The following CSGALNACT2 variants were observed in gnomAD, a reference collection of about 807,000 sequenced individuals.
CSGALNACT2 encodes beta 4 GalNAcT-2.
In CSGALNACT2, 35 loss-of-function variants were observed where a neutral mutation model predicts 55.3. The ratio of observed to expected loss-of-function variants is 0.63; its 90% CI spans 0.48 to 0.84. The LOEUF is 0.84. CSGALNACT2 is among the 40% of genes least tolerant of loss of function. The probability of loss-of-function intolerance (pLI) is 0.00; values close to 1 mark genes in which losing one functional copy is unlikely to be tolerated. For synonymous variants in CSGALNACT2, 196 were observed against 224.9 expected (o/e 0.87, Z 1.15); for missense variants, 544 against 657.5 (o/e 0.83, Z 1.89).
intron 6 of CSGALNACT2, among the ~76,000 whole-genome samples, chr10:43,169,141 C>T (rs1443772813): frequency 6.6e-6 from 1 of 152,178 alleles, no homozygotes; most frequent in Non-Finnish European, 1.5e-5. Flanking sequence ...AGCCCCTAGA[C>T]TACAAAAGTG....
At chr10:43,182,620 C>G (rs974376111) in intron 7 of CSGALNACT2, among the ~76,000 whole-genome samples, 11 of 151,988 alleles carry the variant, frequency 7.2e-5, no homozygotes, top group Admixed American at 5.2e-4. Flanking sequence ...GTGGCTAATG[C>G]CTGCAATCCA....
At chr10:43,141,445 G>T (rs1385902574) in intron 1 of CSGALNACT2, among the ~76,000 whole-genome samples, 3 of 151,494 alleles carry the variant, frequency 2.0e-5, no homozygotes, top group Non-Finnish European at 4.4e-5. Context: ...TTGATCTCCT[G>T]ACCTCATGAT....
At chr10:43,156,250 A>G (rs573273960) in intron 2 of CSGALNACT2, among the ~76,000 whole-genome samples, 10 of 152,356 alleles carry the variant, frequency 6.6e-5, no homozygotes, top group African/African-American at 2.4e-4. Context: ...AGGAAGGAGA[A>G]GCTCATGTCT....
intron 1 of CSGALNACT2, among the ~76,000 whole-genome samples, chr10:43,153,125 G>A (rs1037749655): frequency 6.6e-6 from 1 of 151,804 alleles, no homozygotes; most frequent in African/African-American, 2.4e-5. Context: ...CGAGGCGGGC[G>A]GATCACGAGG....
At position 43,158,755 on chromosome 10, in the gene CSGALNACT2, A is replaced by C; in HGVS notation, c.702A>C (p.Glu234Asp). ...RTERDKGTQY[E>D]LFFKKADLTE... ...AGAGAGATAAGGGCACACAGTATGA[A>C]CTCTTTTTTAAGAAAGCAGACCTTA... Residue 234 changes from glutamate (E) to aspartate (D), a missense_variant, in exon 3 of 8, where the codon GAA (glutamate) becomes GAC (aspartate). By Grantham distance (45) the Glu-to-Asp change is conservative (BLOSUM62 2). Coordinates refer to ENST00000374466, the MANE Select transcript of CSGALNACT2 (RefSeq NM_018590.5). The C allele has an allele frequency of 6.2e-7, 1 of 1,611,906 alleles. No homozygotes were observed. The highest frequency in any genetic ancestry group is 8.5e-7 in the Non-Finnish European group (1 of 1,178,252).
intron 1 of CSGALNACT2, among the ~76,000 whole-genome samples, chr10:43,149,559 G>T (rs1838831938): frequency 6.6e-6 from 1 of 152,162 alleles, no homozygotes; most frequent in Admixed American, 6.5e-5. Context: ...ATTTGGCCAT[G>T]ATGTATGATT....
chr10:43,174,325 C>T (rs953645712), intron 6 of CSGALNACT2, among the ~76,000 whole-genome samples: 6 of 152,168 alleles, frequency 3.9e-5, no homozygotes, highest in African/African-American at 7.2e-5. Flanking sequence ...TTCTGTACAG[C>T]AGCAATTTCA....
intron 6 of CSGALNACT2, among the ~76,000 whole-genome samples, chr10:43,168,821 AG>A (rs555167793): frequency 1.6e-3 from 238 of 152,352 alleles, no homozygotes; most frequent in Middle Eastern, 6.8e-3. Context: ...TCTGAAGAAA[AG>A]GGTACATTAG....
In CSGALNACT2 at chr10:43,164,466, A is replaced by G. The variant is rs1839216914; in HGVS notation, c.1159+422A>G. Among the ~76,000 whole-genome samples the G allele has an allele frequency of 1.3e-5, 2 of 152,242 alleles. 1 individual carries two copies. Among genetic ancestry groups the G allele is most frequent in the Admixed American group, 1.3e-4 (2 of 15,288 alleles). ...ATGTGTGCACACACACTCACATGGA[A>G]GTCTAGATGCAGATAGTGCTTGGTC... On this transcript the variant is annotated intron_variant, in intron 5 of 7. Transcript: ENST00000374466.
intron 1 of CSGALNACT2, among the ~76,000 whole-genome samples, chr10:43,154,103 A>G: frequency 6.6e-6 from 1 of 152,222 alleles, no homozygotes; most frequent in Non-Finnish European, 1.5e-5. Flanking sequence ...GGCTGAGCTG[A>G]GCAGTAGAAA....
intron 1 of CSGALNACT2, among the ~76,000 whole-genome samples, chr10:43,153,517 C>T (rs576168651): frequency 6.6e-6 from 1 of 151,662 alleles, no homozygotes; most frequent in Non-Finnish European, 1.5e-5. Context: ...AAAAAATACG[C>T]ATTGCAGCAT....
chr10:43,175,495 A>G (rs543889231), intron 6 of CSGALNACT2, among the ~76,000 whole-genome samples: 6 of 152,272 alleles, frequency 3.9e-5, no homozygotes, highest in South Asian at 4.1e-4. Context: ...TCTCACTAGT[A>G]TAGAGACTCA....
At chr10:43,165,980 A>T (rs564052269) in intron 5 of CSGALNACT2, among the ~76,000 whole-genome samples, 14 of 152,240 alleles carry the variant, frequency 9.2e-5, no homozygotes, top group Non-Finnish European at 1.8e-4. Context: ...AAAAAATAAA[A>T]ATAAAAATGT....
intron 7 of CSGALNACT2, among the ~76,000 whole-genome samples, chr10:43,178,586 A>G (rs952081561): frequency 6.7e-6 from 1 of 148,738 alleles, no homozygotes; most frequent in Non-Finnish European, 1.5e-5. Flanking sequence ...GCACCACTGC[A>G]CTCCAGCCTG....
At chr10:43,141,721 TC>T (rs1251627563) in intron 1 of CSGALNACT2, among the ~76,000 whole-genome samples, 1 of 150,796 alleles carries the variant, frequency 6.6e-6, no homozygotes, top group Non-Finnish European at 1.5e-5. Context: ...TAATAGGAGT[TC>T]CAGGAGGCAT....
rs74135474 is a variant in CSGALNACT2, at chr10:43,183,558, G to A, written c.*16G>A. ...TGTTGGTTGAAATCATAATTAATGC[G>A]TTACTGTATGAACCACAAAACAGCA... is the stretch of plus-strand genomic sequence containing the variant. On this transcript the variant is annotated 3_prime_UTR_variant, in exon 8 of 8. Coordinates refer to ENST00000374466, the MANE Select transcript of CSGALNACT2 (RefSeq NM_018590.5). The A allele has an allele frequency of 3.2e-3, 5,109 of 1,607,110 alleles. 152 individuals are homozygous for A. In the African/African-American group the frequency reaches 0.058, roughly 18 times the overall value.
chr10:43,167,091 A>G lies in CSGALNACT2; in HGVS notation c.1247A>G (p.Gln416Arg), dbSNP rs1186391177. 8 of 1,601,068 alleles carry G rather than the reference A, an allele frequency of 5.0e-6. No homozygotes were observed. Among genetic ancestry groups the G allele is most frequent in the Non-Finnish European group, 6.8e-6 (8 of 1,168,292 alleles). Residue 416 changes from glutamine (Q) to arginine (R), a missense_variant, in exon 6 of 8, where the codon CAG becomes CGG. By Grantham distance (43) the Gln-to-Arg change is conservative. Coordinates refer to ENST00000374466, the MANE Select transcript of CSGALNACT2 (RefSeq NM_018590.5). ...CAGGAAGTGCCACCACCTGTGGAGC[A>G]GCAGCTGGTGAGACTTTCACATTTT... ...ANQEVPPPVE[Q>R]QLVHKKDSGF...
intron 6 of CSGALNACT2, among the ~76,000 whole-genome samples, chr10:43,168,687 C>G (rs1839320446): frequency 7.0e-6 from 1 of 143,068 alleles, no homozygotes; most frequent in Non-Finnish European, 1.5e-5. Flanking sequence ...CACACACACA[C>G]ACACACACAC....
chr10:43,146,010 G>T (rs991468055), intron 1 of CSGALNACT2, among the ~76,000 whole-genome samples: 2 of 152,098 alleles, frequency 1.3e-5, no homozygotes, highest in African/African-American at 2.4e-5. Context: ...TCTAAAAAAA[G>T]ATTTTTTTTT....
Sources: allele counts gnomAD v4.1 joint callset (sites outside exome capture counted in the v4.1 genomes callset), GRCh38; gene constraint gnomAD v4.1.1; transcripts MANE v1.5; gene names NCBI Gene and HGNC (gene_info 2026-07-23, HGNC 2026-07-21).